Variants in GGA1 observed in about 807,000 individuals in gnomAD.
GGA1 encodes ADP-ribosylation factor-binding protein GGA1.
In GGA1, 18 loss-of-function variants were observed where a neutral mutation model predicts 76.9. That is an observed-to-expected ratio of 0.23 (90% CI 0.16 to 0.35). The LOEUF is 0.35. GGA1 is among the 10% of genes least tolerant of loss of function. The pLI is 1.00. For missense variants in GGA1, 755 were observed against 859.0 expected (o/e 0.88, Z 1.51); for synonymous variants, 342 against 354.7 (o/e 0.96, Z 0.40).
chr22:37,611,292 C>G (rs1028053329), intron 1 of GGA1, among the ~76,000 whole-genome samples: 7 of 152,056 alleles, frequency 4.6e-5, no homozygotes, highest in African/African-American at 1.7e-4. Flanking sequence ...ATTCGTCCTT[C>G]CGATCTCAGC....
At chr22:37,615,725 C>T (rs1321264549) in intron 2 of GGA1, among the ~76,000 whole-genome samples, 7 of 151,924 alleles carry the variant, frequency 4.6e-5, no homozygotes, top group Admixed American at 4.6e-4. Flanking sequence ...GATTGCATTA[C>T]TGCACTCCAG....
In GGA1 at chr22:37,633,121, C is replaced by T. The variant is rs1932101361; in HGVS notation, c.*410C>T. On this transcript the variant is annotated 3_prime_UTR_variant, in exon 17 of 17. Transcript: ENST00000343632. The stretch of plus-strand genomic sequence containing the variant: ...CTTATGGGAAGGCCCAGCCATAACT[C>T]GGGGGCCATGCTGGAGCTGGGGACC... 1 of 178,254 alleles carries T rather than the reference C, an allele frequency of 5.6e-6. No individual in the cohort carries two copies. Among genetic ancestry groups the T allele is most frequent in the South Asian group, 1.3e-4 (1 of 7,898 alleles). 11.0% of individuals were successfully genotyped at this position (178,254 alleles called of 1,614,324 possible).
chr22:37,608,952 C>T, intron 1 of GGA1, 49 bp downstream of exon 1: 1 of 1,325,026 alleles, frequency 7.5e-7, no homozygotes, highest in Non-Finnish European at 9.6e-7. Context: ...GAACCGGGGG[C>T]ACGAGGCGGG....
chr22:37,616,040 C>T (rs893004743), intron 2 of GGA1, among the ~76,000 whole-genome samples: 1 of 152,044 alleles, frequency 6.6e-6, no homozygotes, highest in Admixed American at 6.5e-5. Context: ...GACAGGGTTT[C>T]ACCGTGTTAG....
In GGA1 at chr22:37,632,748, C is replaced by T. The variant is rs1453555656; in HGVS notation, c.*37C>T. 7.3e-6 allele frequency: 9 copies of T among 1,231,968 alleles called. No homozygotes were observed. In the Admixed American group the frequency reaches 7.7e-5, roughly 11 times the overall value. The allele number at this position is 1,231,968 out of a possible 1,614,324, so 76.3% of individuals were successfully genotyped here. A position where few individuals can be genotyped will look rare whatever the true frequency, so the allele number is the denominator to read the frequency against. On this transcript the variant is annotated 3_prime_UTR_variant, in exon 17 of 17. Coordinates refer to ENST00000343632, the MANE Select transcript of GGA1 (RefSeq NM_013365.5). This position sits in a 1 kb window ranked among gnomAD's most constrained non-coding sequence, Gnocchi z 5.1. ...TGGGGAGAGGAAGGGGCAGAGGGAC[C>T]GGTCACTGTCCAGCCTGGAGGGAGG...
At position 37,620,873 on chromosome 22, in the gene GGA1, G is replaced by C; in HGVS notation, c.488G>C (p.Arg163Pro). Residue 163 changes from arginine to proline, a missense_variant, in exon 6 of 17, where the codon CGG becomes CCG. By Grantham distance (103) the Arg-to-Pro change is moderately radical (BLOSUM62 -2). Coordinates refer to ENST00000343632, the MANE Select transcript of GGA1 (RefSeq NM_013365.5). Reference sequence around the variant, plus strand: ...ACTACCTTTCCCCTTCCTCCTCCACGGCCGAAGAATGTGATCTTTGAAGAT... The same window carrying C: ...ACTACCTTTCCCCTTCCTCCTCCACCGCCGAAGAATGTGATCTTTGAAGAT... ...DDTTFPLPPP[R>P]PKNVIFEDEE... The C allele has an allele frequency of 1.9e-6, 3 of 1,612,484 alleles. No homozygotes were observed. The highest frequency in any genetic ancestry group is 2.5e-6 in the Non-Finnish European group (3 of 1,178,488).
intron 11 of GGA1, among the ~76,000 whole-genome samples, chr22:37,627,528 A>G (rs1425573206): frequency 6.6e-6 from 1 of 152,194 alleles, no homozygotes; most frequent in Non-Finnish European, 1.5e-5. Context: ...GTCAAGGGAC[A>G]GGAACGTTCA....
In GGA1 at chr22:37,630,964, T is replaced by C. The variant is rs1488781384; in HGVS notation, c.1393T>C (p.Cys465Arg). 1 of 1,613,286 alleles carries C rather than the reference T, an allele frequency of 6.2e-7. No homozygotes were observed. The highest frequency in any genetic ancestry group is 1.3e-5 in the African/African-American group (1 of 74,874). Residue 465 changes from cysteine (C) to arginine (R), a missense_variant, in exon 14 of 17, where the codon TGC becomes CGC. By Grantham distance (180) the Cys-to-Arg change is radical (BLOSUM62 -3). Coordinates refer to ENST00000343632, the MANE Select transcript of GGA1 (RefSeq NM_013365.5). ...GGACCTGCAGAATAAGAGCAGCAGC[T>C]GCAGCTCCCCCAGCTCCAGCGCCAC... ...LRDLQNKSSS[C>R]SSPSSSATSL...
At position 37,624,898 on chromosome 22, in the gene GGA1, G is replaced by A. The variant is rs1930530196; in HGVS notation, c.833-71G>A. The A allele has an allele frequency of 6.6e-7, 1 of 1,525,418 alleles. No homozygotes were observed. The highest frequency in any genetic ancestry group is 8.8e-7 in the Non-Finnish European group (1 of 1,130,518). The allele number at this position is 1,525,418 out of a possible 1,614,324, so 94.5% of individuals were successfully genotyped here. A position where few individuals can be genotyped will look rare whatever the true frequency, so the allele number is the denominator to read the frequency against. ...ACACACAGGCTGTGATGGATGTGGG[G>A]TCCTCGTCCCCTGCCGCCCAGAGGC... On this transcript the variant is annotated intron_variant, in intron 9 of 16. Transcript: ENST00000343632. The surrounding 1 kb of genome is among the most constrained non-coding windows in gnomAD (Gnocchi z 4.3).
intron 2 of GGA1, 110 bp from the exon 3 acceptor site, chr22:37,616,812 C>A: frequency 7.4e-7 from 1 of 1,359,980 alleles, no homozygotes. Flanking sequence ...TCCCCTAGGG[C>A]GACCAGGGCC....
At chr22:37,609,248 A>G (rs1926999056) in intron 1 of GGA1, 1 of 1,173,472 alleles carries the variant, frequency 8.5e-7, no homozygotes, top group Middle Eastern at 2.3e-4. Flanking sequence ...GGGAAGGAGC[A>G]CGCGAGCGGT....
Position 37,624,028 on chromosome 22 carries a change from G to C in GGA1, c.832+395G>C. ...TAATGAGGGTGAATGGAAGCTAAGA[G>C]TGCATCCCACAGCCCAGGCAGTTCC... On this transcript the variant is annotated intron_variant, in intron 9 of 16. Coordinates refer to ENST00000343632, the MANE Select transcript of GGA1 (RefSeq NM_013365.5). This position sits in a 1 kb window ranked among gnomAD's most constrained non-coding sequence, Gnocchi z 4.3. 1 of 222,862 alleles carries C rather than the reference G, an allele frequency of 4.5e-6. No individual in the cohort carries two copies. Among genetic ancestry groups the C allele is most frequent in the Non-Finnish European group, 9.2e-6 (1 of 108,852 alleles). The allele number at this position is 222,862 out of a possible 1,614,324, so 13.8% of individuals were successfully genotyped here.
At position 37,623,974 on chromosome 22, in the gene GGA1, A is replaced by T; in HGVS notation, c.832+341A>T. ...ACAGTGGCAGAGCCAGGGGAGACGG[A>T]GGGCCATCTGCCCCCAGACCTTCCT... On this transcript the variant is annotated intron_variant, in intron 9 of 16. Coordinates refer to ENST00000343632, the MANE Select transcript of GGA1 (RefSeq NM_013365.5). This position sits in a 1 kb window ranked among gnomAD's most constrained non-coding sequence, Gnocchi z 4.6. The T allele has an allele frequency of 3.7e-6, 1 of 269,178 alleles. No individual in the cohort carries two copies. Among genetic ancestry groups the T allele is most frequent in the Admixed American group, 4.9e-5 (1 of 20,280 alleles). The allele number at this position is 269,178 out of a possible 1,614,324, so 16.7% of individuals were successfully genotyped here. A position where few individuals can be genotyped will look rare whatever the true frequency, so the allele number is the denominator to read the frequency against.
intron 1 of GGA1, chr22:37,609,280 C>G (rs1299378815): frequency 8.8e-7 from 1 of 1,133,024 alleles, no homozygotes; most frequent in Admixed American, 5.7e-5. Context: ...GCATCTCACA[C>G]CCGGGAGGGA....
intron 14 of GGA1, 80 bp from the exon 15 acceptor site, chr22:37,631,916 G>T: frequency 7.6e-7 from 1 of 1,311,238 alleles, no homozygotes; most frequent in South Asian, 1.3e-5. Context: ...CAGCTCCTGA[G>T]GCCAGCCGGG....
At chr22:37,630,820 A>C (rs538541895) in intron 13 of GGA1, 83 bp from the exon 14 acceptor site, 13 of 957,312 alleles carry the variant, frequency 1.4e-5, no homozygotes, top group Non-Finnish European at 2.0e-5. Context: ...TGCCCGCCTC[A>C]GCCTCCCAAA....
At chr22:37,615,041 G>C (rs987256461) in intron 2 of GGA1, among the ~76,000 whole-genome samples, 5 of 152,226 alleles carry the variant, frequency 3.3e-5, no homozygotes, top group Non-Finnish European at 7.3e-5. Flanking sequence ...AGCCAGGCAT[G>C]GTGGTGCACA....
Position 37,625,774 on chromosome 22 carries a change from C to T in GGA1, c.941-23C>T. The T allele has an allele frequency of 6.5e-7, 1 of 1,534,388 alleles. No homozygotes were observed. Among genetic ancestry groups the T allele is most frequent in the East Asian group, 2.3e-5 (1 of 43,386 alleles). On this transcript the variant is annotated intron_variant, in intron 10 of 16. Transcript: ENST00000343632. The surrounding 1 kb of genome is among the most constrained non-coding windows in gnomAD (Gnocchi z 4.1). ...AGACACGTGTACACCCAGGACTTGC[C>T]AGCCTCTTCTTTCCCACCCCAGGGA... is the stretch of plus-strand genomic sequence containing the variant.
rs1035605450 is a variant in GGA1 at position 37,625,737 on chromosome 22, G to A, written c.941-60G>A. The A allele has an allele frequency of 3.7e-6, 5 of 1,367,096 alleles. No homozygotes were observed. Among genetic ancestry groups the A allele is most frequent in the South Asian group, 1.6e-5 (1 of 61,338 alleles). 84.7% of individuals were successfully genotyped at this position (1,367,096 alleles called of 1,614,324 possible). A position where few individuals can be genotyped will look rare whatever the true frequency, so the allele number is the denominator to read the frequency against. ...TAGGTGTTGCTCCCCCGCAACCCCT[G>A]TGGACTCTGAGAGACACGTGTACAC... On this transcript the variant is annotated intron_variant, in intron 10 of 16. Coordinates refer to ENST00000343632, the MANE Select transcript of GGA1 (RefSeq NM_013365.5). The surrounding 1 kb of genome is among the most constrained non-coding windows in gnomAD (Gnocchi z 4.1).
Sources: gnomAD v4.1 joint callset for allele counts (sites outside exome capture counted in the v4.1 genomes callset) on GRCh38, gnomAD v4.1.1 for gene constraint, Gnocchi (gnomAD v3.1) non-coding constraint, MANE v1.5 for transcripts, NCBI Gene and HGNC (gene_info 2026-07-23, HGNC 2026-07-21) for gene names.